The following PLEKHM1 variants were observed in gnomAD, a reference collection of about 807,000 sequenced individuals.
PLEKHM1 encodes the protein pleckstrin homology domain-containing family M member 1.
Under a neutral mutation model 94.3 loss-of-function variants are expected in PLEKHM1, and 28 were observed. That is an observed-to-expected ratio of 0.30 (90% CI 0.22 to 0.41). The LOEUF (loss-of-function observed/expected upper bound fraction) is 0.41, where lower values mean the gene tolerates loss of function less well. Among genes scored for constraint, PLEKHM1 ranks in the 10% least tolerant of loss-of-function variants. The pLI is 1.00. For synonymous variants in PLEKHM1, 424 were observed against 581.2 expected, an observed-to-expected ratio of 0.73 and a Z score of 3.89; for missense variants, 907 against 1,358.6, an observed-to-expected ratio of 0.67 and a Z score of 5.22.
intron 2 of PLEKHM1, among the ~76,000 whole-genome samples, chr17:45,481,116 A>T (rs1049759358): frequency 6.6e-6 from 1 of 152,108 alleles, no homozygotes; most frequent in Non-Finnish European, 1.5e-5. Context: ...GGGGGTGTGA[A>T]GTAGTATCTC....
intron 4 of PLEKHM1, among the ~76,000 whole-genome samples, chr17:45,472,203 A>G (rs2051537315): frequency 6.6e-6 from 1 of 152,188 alleles, no homozygotes; most frequent in Non-Finnish European, 1.5e-5. Context: ...CACTTCAAGA[A>G]ATGCTGGTCT....
At chr17:45,454,969 A>G (rs1331245254) in intron 6 of PLEKHM1, 2 of 159,934 alleles carry the variant, frequency 1.3e-5, no homozygotes, top group Non-Finnish European at 2.8e-5. Context: ...TCTCTACTAA[A>G]AATACAAAAA....
chr17:45,442,021 C>T (rs1208336787), intron 9 of PLEKHM1, among the ~76,000 whole-genome samples: 1 of 152,154 alleles, frequency 6.6e-6, no homozygotes, highest in Non-Finnish European at 1.5e-5. Context: ...GTCTCCTGAG[C>T]CCTGGCTCCT....
At chr17:45,473,330 T>C (rs1221276863) in intron 4 of PLEKHM1, among the ~76,000 whole-genome samples, 10 of 152,098 alleles carry the variant, frequency 6.6e-5, no homozygotes. Flanking sequence ...GGCTCACGCC[T>C]GTAATCCCCA....
chr17:45,490,634 C>CT lies in PLEKHM1; in HGVS notation c.-42+17dup, dbSNP rs533456461. On this transcript the variant is annotated intron_variant, in intron 1 of 11. Coordinates refer to ENST00000430334, the MANE Select transcript of PLEKHM1 (RefSeq NM_014798.3). ...CACCACTCCGCCGCCCTCCTCGCATCTTGACCCCCTAACTCACCAAGCGGA... is the reference window on the plus strand; with the variant it reads ...CACCACTCCGCCGCCCTCCTCGCATCTTTGACCCCCTAACTCACCAAGCGGA... 282 of 444,646 alleles carry CT rather than the reference C, an allele frequency of 6.3e-4. 1 individual carries two copies. Among genetic ancestry groups the CT allele is most frequent in the African/African-American group, 5.2e-3 (256 of 48,922 alleles). 27.5% of individuals were successfully genotyped at this position (444,646 alleles called of 1,614,324 possible).
chr17:45,478,087 C>T lies in PLEKHM1; in HGVS notation c.109G>A (p.Asp37Asn), dbSNP rs1374786277. Residue 37 changes from aspartate to asparagine, a missense_variant, in exon 3 of 12, where the codon GAC becomes AAC. By Grantham distance (23) the Asp-to-Asn change is conservative (BLOSUM62 1). Coordinates refer to ENST00000430334, the MANE Select transcript of PLEKHM1 (RefSeq NM_014798.3). Reference protein sequence around the residue: ...KALQKQYVSLDTVVTSEDGDA... With the variant: ...KALQKQYVSLNTVVTSEDGDA... ...CCGTCTTCACTAGTGACCACCGTGTCCAGGGACACGTACTGCTTCTGCAAG... is the reference window on the plus strand; with the variant it reads ...CCGTCTTCACTAGTGACCACCGTGTTCAGGGACACGTACTGCTTCTGCAAG... 6.2e-7 allele frequency: 1 copy of T among 1,614,088 alleles called. No individual in the cohort carries two copies. The highest frequency in any genetic ancestry group is 8.5e-7 in the Non-Finnish European group (1 of 1,180,042).
At chr17:45,486,364 C>T (rs953474354) in intron 1 of PLEKHM1, among the ~76,000 whole-genome samples, 3 of 151,304 alleles carry the variant, frequency 2.0e-5, no homozygotes, top group Non-Finnish European at 4.4e-5. Context: ...GGGTGGATCA[C>T]GAGGTCAGGA....
chr17:45,437,341 C>G lies in PLEKHM1; in HGVS notation c.*517G>C, dbSNP rs1411536866. 6.6e-6 allele frequency: 3 copies of G among 454,218 alleles called. No individual in the cohort carries two copies. The highest frequency in any genetic ancestry group is 1.3e-5 in the Non-Finnish European group (3 of 226,824). 28.1% of individuals were successfully genotyped at this position (454,218 alleles called of 1,614,324 possible). A position where few individuals can be genotyped will look rare whatever the true frequency, so the allele number is the denominator to read the frequency against. ...GGCCTGCCCACCAGCCACCCGCTACCTCTAAGCCAGGCCTGAGTGGCTCCT... is the reference window on the plus strand; with the variant it reads ...GGCCTGCCCACCAGCCACCCGCTACGTCTAAGCCAGGCCTGAGTGGCTCCT... On this transcript the variant is annotated 3_prime_UTR_variant, in exon 12 of 12. Coordinates refer to ENST00000430334, the MANE Select transcript of PLEKHM1 (RefSeq NM_014798.3). This position sits in a 1 kb window ranked among gnomAD's most constrained non-coding sequence, Gnocchi z 4.0.
rs1203234908 is a variant in PLEKHM1 at position 45,437,470 on chromosome 17, C to G, written c.*388G>C. ...TGAAATATGAATGGGAAAAACCCAC[C>G]TTAAAAAACTAGACCTTTTAATCAG... On this transcript the variant is annotated 3_prime_UTR_variant, in exon 12 of 12. Transcript: ENST00000430334. The surrounding 1 kb of genome is among the most constrained non-coding windows in gnomAD (Gnocchi z 4.0). 1 of 484,134 alleles carries G rather than the reference C, an allele frequency of 2.1e-6. No homozygotes were observed. The highest frequency in any genetic ancestry group is 5.9e-5 in the East Asian group (1 of 16,942). 30.0% of individuals were successfully genotyped at this position (484,134 alleles called of 1,614,324 possible). A position where few individuals can be genotyped will look rare whatever the true frequency, so the allele number is the denominator to read the frequency against.
At chr17:45,449,801 C>G (rs1207355372) in intron 8 of PLEKHM1, among the ~76,000 whole-genome samples, 2 of 151,768 alleles carry the variant, frequency 1.3e-5, no homozygotes, top group Admixed American at 6.6e-5. Context: ...TACCCATCCA[C>G]CTAGCCACCT....
chr17:45,477,710 C>T, intron 3 of PLEKHM1, 190 bp downstream of exon 3: 2 of 662,582 alleles, frequency 3.0e-6, no homozygotes, highest in African/African-American at 1.8e-5. Context: ...GATCTGCTGG[C>T]ACACTGGCTG....
At position 45,458,206 on chromosome 17, in the gene PLEKHM1, C is replaced by T; in HGVS notation, c.1542G>A (p.Gly514=). ...RRQAQAAPSQ[G]HKSFRVVHRR... is the part of the protein sequence containing the mutation. The stretch of plus-strand genomic sequence containing the variant: ...GGTGTACCACCCGGAAGCTCTTATG[C>T]CCCTGGGATGGGGCTGCCTGGGCTT... Residue 514 remains glycine (G), a synonymous_variant, in exon 6 of 12, where the codon GGG becomes GGA. Coordinates refer to ENST00000430334, the MANE Select transcript of PLEKHM1 (RefSeq NM_014798.3). 5 of 1,613,546 alleles carry T rather than the reference C, an allele frequency of 3.1e-6. No individual in the cohort carries two copies. The South Asian group carries it at 5.5e-5, about 18-fold the overall frequency.
At chr17:45,447,618 C>G (rs2050646813) in intron 8 of PLEKHM1, among the ~76,000 whole-genome samples, 1 of 152,216 alleles carries the variant, frequency 6.6e-6, no homozygotes, top group South Asian at 2.1e-4. Context: ...AGTGGGTCAG[C>G]CAGGCCTCAG....
intron 5 of PLEKHM1, among the ~76,000 whole-genome samples, chr17:45,466,367 A>C (rs2145274501): frequency 6.6e-6 from 1 of 152,298 alleles, no homozygotes; most frequent in African/African-American, 2.4e-5. Context: ...TGGGACAAAA[A>C]CCAAGCAAAC....
At chr17:45,487,760 C>T (rs2145369654) in intron 1 of PLEKHM1, 1 of 456,054 alleles carries the variant, frequency 2.2e-6, no homozygotes, top group Middle Eastern at 3.3e-4. Flanking sequence ...CTGGTTCCAC[C>T]ACTCTCAAAA....
At chr17:45,459,412 G>A (rs1403399779) in intron 5 of PLEKHM1, 1 of 152,174 alleles carries the variant, frequency 6.6e-6, no homozygotes, top group Non-Finnish European at 1.5e-5. Flanking sequence ...CTCTTAGTGG[G>A]AGGTTTTCCA....
At chr17:45,465,773 G>A (rs1309575765) in intron 5 of PLEKHM1, among the ~76,000 whole-genome samples, 2 of 152,044 alleles carry the variant, frequency 1.3e-5, no homozygotes, top group East Asian at 1.9e-4. Context: ...CTATAGAGCT[G>A]CAAGGAGGCC....
intron 6 of PLEKHM1, among the ~76,000 whole-genome samples, chr17:45,457,172 GAAAA>G (rs980455854): frequency 1.8e-5 from 1 of 56,318 alleles, no homozygotes; most frequent in Admixed American, 2.0e-4. Context: ...CTCTGCCTCA[GAAAA>G]AAAAAAAAAA....
At position 45,437,863 on chromosome 17, in the gene PLEKHM1, C is replaced by T. The variant is rs571630488; in HGVS notation, c.3166G>A (p.Ala1056Thr). The T allele has an allele frequency of 3.9e-4, 624 of 1,613,454 alleles. 7 individuals are homozygous for T. The South Asian group carries it at 6.2e-3, about 16-fold the overall frequency. Reference protein sequence around the residue: ...RRKYQEQNIFA With the variant: ...RRKYQEQNIFT ...GCGGGGTCAGCAGATGGGCATCAGG[C>T]GAAAATGTTCTGTTCCTGGTACTTG... Residue 1056 changes from alanine to threonine, a missense_variant, in exon 12 of 12, where the codon GCC (alanine) becomes ACC (threonine). Coordinates refer to ENST00000430334, the MANE Select transcript of PLEKHM1 (RefSeq NM_014798.3). The surrounding 1 kb of genome is among the most constrained non-coding windows in gnomAD (Gnocchi z 4.0).
Sources: allele counts gnomAD v4.1 joint callset (sites outside exome capture counted in the v4.1 genomes callset), GRCh38; gene constraint gnomAD v4.1.1; non-coding constraint Gnocchi (gnomAD v3.1); transcripts MANE v1.5; gene names NCBI Gene and HGNC (gene_info 2026-07-23, HGNC 2026-07-21).